Variants in ZRANB3 observed in about 807,000 individuals in gnomAD.
ZRANB3 encodes the protein zinc finger RANBP2-type containing 3, also known as DNA annealing helicase and endonuclease ZRANB3.
Under a neutral mutation model 133.8 loss-of-function variants are expected in ZRANB3, and 125 were observed. The ratio of observed to expected loss-of-function variants is 0.93; its 90% CI spans 0.81 to 1.08. The LOEUF is 1.08. Among genes scored for constraint, ZRANB3 ranks in the 50% least tolerant of loss-of-function variants. The pLI is 0.00. For missense variants in ZRANB3, 1,229 were observed against 1,275.5 expected (o/e 0.96, Z 0.56); for synonymous variants, 387 against 432.7 (o/e 0.89, Z 1.31).
At chr2:135,247,698 C>G (rs983006497) in intron 12 of ZRANB3, among the ~76,000 whole-genome samples, 2 of 152,130 alleles carry the variant, frequency 1.3e-5, no homozygotes, top group African/African-American at 4.8e-5. Context: ...CGGCAACTCA[C>G]TTCCATGGCA....
rs1694067607 is a variant in ZRANB3 at position 135,210,847 on chromosome 2, G to GT, written c.2496-1870_2496-1869insA. Among the ~76,000 whole-genome samples the GT allele has an allele frequency of 5.9e-5, 9 of 152,182 alleles. No individual in the cohort carries two copies. In the South Asian group the frequency reaches 1.9e-3, roughly 32 times the overall value. ...GGAATATCTTTTCACACATTCACATGGTGAAACCCTGTCTCTACTAAAAGT... is the reference window on the plus strand; with the variant it reads ...GGAATATCTTTTCACACATTCACATGTGTGAAACCCTGTCTCTACTAAAAGT... On this transcript the variant is annotated intron_variant, in intron 17 of 20. Transcript: ENST00000264159.
intron 2 of ZRANB3, among the ~76,000 whole-genome samples, chr2:135,471,197 C>T (rs751065928): frequency 2.6e-4 from 40 of 151,642 alleles, no homozygotes; most frequent in Admixed American, 3.9e-4. Flanking sequence ...CATTAAGCAG[C>T]CTGCTAGAAC....
At chr2:135,383,014 C>T (rs1574009937) in intron 3 of ZRANB3, among the ~76,000 whole-genome samples, 1 of 152,094 alleles carries the variant, frequency 6.6e-6, no homozygotes, top group Non-Finnish European at 1.5e-5. Context: ...TGTAAATGGG[C>T]TAAATGCTCC....
In ZRANB3 at chr2:135,435,262, C is replaced by T. The variant is rs369448206; in HGVS notation, c.162-44442G>A. ...ATGTGGTATTTGGTTTTTGTGCCTG[C>T]GTTAGTTTGCTAAGAAGAATGGCCT... is the stretch of plus-strand genomic sequence containing the variant. On this transcript the variant is annotated intron_variant, in intron 2 of 20. Transcript: ENST00000264159. 2.6e-5 allele frequency among the ~76,000 whole-genome samples: 4 copies of T among 152,188 alleles called. No individual in the cohort carries two copies. In the East Asian group the frequency reaches 5.8e-4, roughly 22 times the overall value.
intron 12 of ZRANB3, among the ~76,000 whole-genome samples, chr2:135,258,935 C>T (rs1679801122): frequency 6.6e-6 from 1 of 152,178 alleles, no homozygotes; most frequent in South Asian, 2.1e-4. Flanking sequence ...ATATACGAGA[C>T]ATTTTTAACT....
At chr2:135,434,017 C>G (rs1040451331) in intron 2 of ZRANB3, among the ~76,000 whole-genome samples, 2 of 151,692 alleles carry the variant, frequency 1.3e-5, no homozygotes, top group African/African-American at 4.8e-5. Flanking sequence ...AAAAAATTAG[C>G]CAGTTGTGGT....
chr2:135,423,932 A>C (rs1404427720), intron 2 of ZRANB3, among the ~76,000 whole-genome samples: 1 of 152,170 alleles, frequency 6.6e-6, no homozygotes, highest in East Asian at 1.9e-4. Context: ...ACAACCCCAC[A>C]ACCTCATTTA....
chr2:135,482,611 C>A (rs1465655261), intron 2 of ZRANB3, among the ~76,000 whole-genome samples: 1 of 152,036 alleles, frequency 6.6e-6, no homozygotes, highest in East Asian at 1.9e-4. Flanking sequence ...CCTTTATTTC[C>A]TTCTCCTGCC....
At chr2:135,427,257 A>G (rs1166561365) in intron 2 of ZRANB3, among the ~76,000 whole-genome samples, 2 of 152,166 alleles carry the variant, frequency 1.3e-5, no homozygotes, top group Admixed American at 6.5e-5. Context: ...CCACGTAGGA[A>G]GAGAAAGAGT....
In ZRANB3 at chr2:135,390,932, C is replaced by T. The variant is rs540464719; in HGVS notation, c.162-112G>A. On this transcript the variant is annotated intron_variant, in intron 2 of 20. Coordinates refer to ENST00000264159, the MANE Select transcript of ZRANB3 (RefSeq NM_032143.4). ...CTGGAGTGCAGTGGTGCGATCTCAG[C>T]TCACTGCAACCTCTGTCTCCCAGGT... is the stretch of plus-strand genomic sequence containing the variant. The T allele has an allele frequency of 5.5e-6, 6 of 1,096,224 alleles. No individual in the cohort carries two copies. In the African/African-American group the frequency reaches 8.6e-5, roughly 16 times the overall value. The allele number at this position is 1,096,224 out of a possible 1,614,324, so 67.9% of individuals were successfully genotyped here. A position where few individuals can be genotyped will look rare whatever the true frequency, so the allele number is the denominator to read the frequency against.
intron 12 of ZRANB3, among the ~76,000 whole-genome samples, chr2:135,242,210 G>C: frequency 6.6e-6 from 1 of 151,806 alleles, no homozygotes; most frequent in East Asian, 1.9e-4. Flanking sequence ...ATTGGATTTA[G>C]GTATCAGAGA....
chr2:135,403,948 C>T lies in ZRANB3; in HGVS notation c.162-13128G>A, dbSNP rs537485035. 3.7e-4 allele frequency among the ~76,000 whole-genome samples: 57 copies of T among 152,260 alleles called. No homozygotes were observed. The South Asian group carries it at 5.0e-3, about 13-fold the overall frequency. ...AAGGACATCCACAGCAAAATCCCAT[C>T]GGTACGTCACCATCATCAAAGACCA... is the stretch of plus-strand genomic sequence containing the variant. On this transcript the variant is annotated intron_variant, in intron 2 of 20. Coordinates refer to ENST00000264159, the MANE Select transcript of ZRANB3 (RefSeq NM_032143.4).
intron 2 of ZRANB3, among the ~76,000 whole-genome samples, chr2:135,469,289 C>T (rs1183446226): frequency 6.6e-6 from 1 of 151,888 alleles, no homozygotes; most frequent in Admixed American, 6.6e-5. Flanking sequence ...TAAACATATA[C>T]ATCCTAGAAA....
chr2:135,464,216 TCA>T, intron 2 of ZRANB3, among the ~76,000 whole-genome samples: 1 of 152,244 alleles, frequency 6.6e-6, no homozygotes, highest in East Asian at 1.9e-4. Flanking sequence ...CTTTTCCCCT[TCA>T]AAGGGGAAAA....
chr2:135,505,159 A>C (rs557130092), intron 1 of ZRANB3, among the ~76,000 whole-genome samples: 40 of 152,254 alleles, frequency 2.6e-4, no homozygotes, highest in Middle Eastern at 3.4e-3. Flanking sequence ...TATATCTGTA[A>C]ATTCTTATAA....
chr2:135,473,389 G>T (rs1456329920), intron 2 of ZRANB3, among the ~76,000 whole-genome samples: 1 of 152,100 alleles, frequency 6.6e-6, no homozygotes, highest in Non-Finnish European at 1.5e-5. Flanking sequence ...AATTTGAGCT[G>T]GGAAAAGGAC....
intron 2 of ZRANB3, among the ~76,000 whole-genome samples, chr2:135,394,458 A>C (rs1687384782): frequency 6.6e-6 from 1 of 152,164 alleles, no homozygotes; most frequent in Non-Finnish European, 1.5e-5. Flanking sequence ...AATATGCAAA[A>C]CTGAAGGGAG....
chr2:135,268,067 GAAAT>G (rs1391645257), intron 11 of ZRANB3, among the ~76,000 whole-genome samples: 3 of 152,138 alleles, frequency 2.0e-5, no homozygotes, highest in Non-Finnish European at 1.5e-5. Flanking sequence ...AGAAGTATGA[GAAAT>G]AAATTTCTGT....
chr2:135,306,442 C>A (rs1481954768), intron 8 of ZRANB3, among the ~76,000 whole-genome samples: 2 of 143,130 alleles, frequency 1.4e-5, no homozygotes, highest in East Asian at 4.2e-4. Flanking sequence ...CACCCGCCAC[C>A]ACGCCCGGCT....
Sources: gnomAD v4.1 joint callset for allele counts (sites outside exome capture counted in the v4.1 genomes callset) on GRCh38, gnomAD v4.1.1 for gene constraint, MANE v1.5 for transcripts, NCBI Gene and HGNC (gene_info 2026-07-23, HGNC 2026-07-21) for gene names.